Variants in MYOZ2 observed in about 807,000 individuals in gnomAD.
The protein encoded by MYOZ2 is myozenin-2.
In MYOZ2, 19 loss-of-function variants were observed where a neutral mutation model predicts 25.4. The observed-to-expected ratio is 0.75, with a 90% confidence interval of 0.52 to 1.10. The LOEUF (loss-of-function observed/expected upper bound fraction) is 1.10, where lower values mean the gene tolerates loss of function less well. Among genes scored for constraint, MYOZ2 ranks in the 50% least tolerant of loss-of-function variants. The pLI, the probability that MYOZ2 is intolerant of heterozygous loss-of-function variation, is 0.00. For missense variants in MYOZ2, 270 were observed against 317.9 expected (o/e 0.85, Z 1.15); for synonymous variants, 92 against 106.9 (o/e 0.86, Z 0.86).
chr4:119,152,538 A>G (rs1181595863), intron 3 of MYOZ2, among the ~76,000 whole-genome samples: 1 of 152,144 alleles, frequency 6.6e-6, no homozygotes, highest in African/African-American at 2.4e-5. Flanking sequence ...AAATGTCCCT[A>G]TGAACACAAC....
chr4:119,147,006 A>G (rs1228791358), intron 2 of MYOZ2, among the ~76,000 whole-genome samples: 1 of 152,072 alleles, frequency 6.6e-6, no homozygotes, highest in Admixed American at 6.6e-5. Flanking sequence ...CTGTGATTTT[A>G]TCTGATATTA....
intron 5 of MYOZ2, among the ~76,000 whole-genome samples, chr4:119,176,000 G>C (rs1454986887): frequency 2.6e-5 from 4 of 152,106 alleles, no homozygotes; most frequent in African/African-American, 7.2e-5. Context: ...GGTAGGCTAA[G>C]GTGTTTTTTA....
chr4:119,151,029 A>T lies in MYOZ2; in HGVS notation c.234A>T (p.Arg78Ser). 1 of 1,611,526 alleles carries T rather than the reference A, an allele frequency of 6.2e-7. No homozygotes were observed. Among genetic ancestry groups the T allele is most frequent in the South Asian group, 1.1e-5 (1 of 91,012 alleles). Residue 78 changes from arginine to serine, a missense_variant, in exon 3 of 6, where the codon AGA (arginine) becomes AGT (serine). Arg to Ser is a moderately radical substitution (Grantham distance 110). Transcript: ENST00000307128. ...TTGAAAATTTCCAGTATCAATCTAG[A>T]GCACAAATAAATGTAGGTATAACTT... ...YTFENFQYQSRAQINHSIAMQ... is the reference protein window; with the variant it reads ...YTFENFQYQSSAQINHSIAMQ...
intron 2 of MYOZ2, among the ~76,000 whole-genome samples, chr4:119,149,566 T>G (rs1741401889): frequency 6.6e-6 from 1 of 152,188 alleles, no homozygotes. Context: ...ATCTTCAGCT[T>G]CAAGTCTGAG....
At chr4:119,138,416 T>G (rs1741085430) in intron 2 of MYOZ2, among the ~76,000 whole-genome samples, 1 of 152,186 alleles carries the variant, frequency 6.6e-6, no homozygotes, top group African/African-American at 2.4e-5. Context: ...ATATGGAACT[T>G]TACTATTTGT....
intron 5 of MYOZ2, among the ~76,000 whole-genome samples, chr4:119,179,493 T>C (rs1159479087): frequency 6.6e-6 from 1 of 152,074 alleles, no homozygotes. Context: ...TTTTTCTTCA[T>C]AGCTCTTTTT....
rs185227325 is a variant in MYOZ2, at chr4:119,138,219, C to T, written c.76+1618C>T. On this transcript the variant is annotated intron_variant, in intron 2 of 5. Transcript: ENST00000307128. ...CGTAAAGTCAGCTGAAGCCCTCCCT[C>T]CCATGTCACTGGATGAGTACCAGCT... Among the ~76,000 whole-genome samples the T allele has an allele frequency of 2.4e-3, 370 of 152,260 alleles. 1 individual carries two copies. Among genetic ancestry groups the T allele is most frequent in the African/African-American group, 8.7e-3 (362 of 41,562 alleles).
At chr4:119,141,677 C>T (rs958471469) in intron 2 of MYOZ2, among the ~76,000 whole-genome samples, 15 of 152,120 alleles carry the variant, frequency 9.9e-5, no homozygotes, top group Admixed American at 3.9e-4. Context: ...CCACCATGCC[C>T]GGCCTTATTT....
At chr4:119,170,560 A>G (rs1285173003) in intron 5 of MYOZ2, among the ~76,000 whole-genome samples, 1 of 152,150 alleles carries the variant, frequency 6.6e-6, no homozygotes. Context: ...TTAAAATTCC[A>G]TAAATGGAAT....
In MYOZ2 at chr4:119,149,444, A is replaced by C. The variant is rs139514771; in HGVS notation, c.77-1428A>C. Among the ~76,000 whole-genome samples, 278 of 152,318 alleles carry C rather than the reference A, an allele frequency of 1.8e-3. 1 individual carries two copies. The highest frequency in any genetic ancestry group is 6.5e-3 in the African/African-American group (271 of 41,560). On this transcript the variant is annotated intron_variant, in intron 2 of 5. Coordinates refer to ENST00000307128, the MANE Select transcript of MYOZ2 (RefSeq NM_016599.5). ...GCTAAAGTAGCGCAGCCATTGTCTA[A>C]ACATTTTCTGTCTTGCAGAGGCAGC...
intron 5 of MYOZ2, among the ~76,000 whole-genome samples, chr4:119,175,888 G>A (rs931418291): frequency 3.0e-4 from 46 of 152,132 alleles, no homozygotes; most frequent in Admixed American, 2.9e-3. Context: ...AATAATTTCT[G>A]AACAAGGGGC....
In MYOZ2 at chr4:119,141,794, C is replaced by T. The variant is rs547433822; in HGVS notation, c.76+5193C>T. Among the ~76,000 whole-genome samples, 134 of 152,284 alleles carry T rather than the reference C, an allele frequency of 8.8e-4. 1 individual carries two copies. Among genetic ancestry groups the T allele is most frequent in the African/African-American group, 2.4e-3 (100 of 41,562 alleles). ...TATCAAGCATCAAGATTAAACACACCGTTAAGAACCTGTGCAAGGGTTTGC... is the reference window on the plus strand; with the variant it reads ...TATCAAGCATCAAGATTAAACACACTGTTAAGAACCTGTGCAAGGGTTTGC... On this transcript the variant is annotated intron_variant, in intron 2 of 5. Coordinates refer to ENST00000307128, the MANE Select transcript of MYOZ2 (RefSeq NM_016599.5).
chr4:119,158,496 G>A (rs972497933), intron 4 of MYOZ2, among the ~76,000 whole-genome samples: 2 of 152,004 alleles, frequency 1.3e-5, no homozygotes, highest in Non-Finnish European at 2.9e-5. Context: ...GGGCTGCAGT[G>A]AGCCATGATC....
In MYOZ2 at chr4:119,186,251, C is replaced by G; in HGVS notation, c.*51C>G. ...AACTCTGAATATAAAAGTTGCTGTT[C>G]TACTATTTTAACTACTGGCAAAGCC... On this transcript the variant is annotated 3_prime_UTR_variant, in exon 6 of 6. Transcript: ENST00000307128. 2 of 1,494,360 alleles carry G rather than the reference C, an allele frequency of 1.3e-6. No homozygotes were observed. Among genetic ancestry groups the G allele is most frequent in the South Asian group, 2.3e-5 (2 of 86,848 alleles). The allele number at this position is 1,494,360 out of a possible 1,614,324, so 92.6% of individuals were successfully genotyped here.
chr4:119,184,218 TC>T (rs774365745), intron 5 of MYOZ2, among the ~76,000 whole-genome samples: 74 of 152,338 alleles, frequency 4.9e-4, no homozygotes, highest in Non-Finnish European at 9.0e-4. Flanking sequence ...TGGTTGCCCT[TC>T]ACATTTAGAA....
intron 2 of MYOZ2, among the ~76,000 whole-genome samples, chr4:119,138,763 C>G (rs1741094589): frequency 6.6e-6 from 1 of 152,034 alleles, no homozygotes; most frequent in South Asian, 2.1e-4. Context: ...TTTATTACTA[C>G]TTACCAAAAC....
chr4:119,173,800 G>C (rs553595362), intron 5 of MYOZ2, among the ~76,000 whole-genome samples: 1 of 152,230 alleles, frequency 6.6e-6, no homozygotes, highest in African/African-American at 2.4e-5. Flanking sequence ...AGGCCCGAGC[G>C]GGAACCGGGG....
chr4:119,143,435 C>T (rs1741218119), intron 2 of MYOZ2, among the ~76,000 whole-genome samples: 1 of 152,166 alleles, frequency 6.6e-6, no homozygotes, highest in African/African-American at 2.4e-5. Context: ...ACCTCATGAT[C>T]TGCCCACCTG....
intron 3 of MYOZ2, among the ~76,000 whole-genome samples, chr4:119,155,712 A>G (rs1370746490): frequency 6.6e-6 from 1 of 152,202 alleles, no homozygotes; most frequent in Non-Finnish European, 1.5e-5. Context: ...TTTATTCACT[A>G]GGCAATTAGG....
Sources: allele counts gnomAD v4.1 joint callset (sites outside exome capture counted in the v4.1 genomes callset), GRCh38; gene constraint gnomAD v4.1.1; transcripts MANE v1.5; gene names NCBI Gene and HGNC (gene_info 2026-07-23, HGNC 2026-07-21).